The following ITGBL1 variants were observed in gnomAD, a reference collection of about 807,000 sequenced individuals.
ITGBL1 encodes the protein integrin beta-like protein 1.
In ITGBL1, 51 loss-of-function variants were observed where a neutral mutation model predicts 68.5. That is an observed-to-expected ratio of 0.74 (90% CI 0.59 to 0.94). The LOEUF is 0.94. Ranked by LOEUF, ITGBL1 falls within the 40% of genes least tolerant of loss-of-function variation. The pLI is 0.00. For synonymous variants in ITGBL1, 209 were observed against 227.3 expected, an observed-to-expected ratio of 0.92 and a Z score of 0.72; for missense variants, 649 against 647.4, an observed-to-expected ratio of 1.00 and a Z score of -0.03.
chr13:101,666,328 G>C (rs1229653307), intron 7 of ITGBL1, among the ~76,000 whole-genome samples: 4 of 152,092 alleles, frequency 2.6e-5, no homozygotes, highest in Non-Finnish European at 5.9e-5. Context: ...CCTCCTTTTA[G>C]TGAGTTCTTT....
intron 2 of ITGBL1, among the ~76,000 whole-genome samples, chr13:101,518,391 C>T (rs1422133221): frequency 6.6e-6 from 1 of 152,108 alleles, no homozygotes; most frequent in Non-Finnish European, 1.5e-5. Flanking sequence ...AAATCTAATT[C>T]ATCTCTGTTT....
chr13:101,709,152 T>C (rs910534003), intron 9 of ITGBL1, among the ~76,000 whole-genome samples: 1 of 149,506 alleles, frequency 6.7e-6, no homozygotes, highest in Admixed American at 6.6e-5. Flanking sequence ...GATCATGAGG[T>C]CAGGAGATCG....
intron 5 of ITGBL1, among the ~76,000 whole-genome samples, chr13:101,580,926 G>A (rs2050446833): frequency 6.6e-6 from 1 of 152,216 alleles, no homozygotes; most frequent in Non-Finnish European, 1.5e-5. Context: ...GGCAGAATGG[G>A]AAGCAGCTTG....
At chr13:101,637,706 T>C (rs758270763) in intron 7 of ITGBL1, among the ~76,000 whole-genome samples, 53 of 152,170 alleles carry the variant, frequency 3.5e-4, no homozygotes, top group Non-Finnish European at 6.9e-4. Context: ...ACAGAAATAC[T>C]ACCATCACTC....
chr13:101,594,309 A>G (rs1005210095), intron 6 of ITGBL1, among the ~76,000 whole-genome samples: 1 of 152,186 alleles, frequency 6.6e-6, no homozygotes, highest in Non-Finnish European at 1.5e-5. Context: ...TTAAACAAAG[A>G]TGACAAGAAC....
intron 7 of ITGBL1, among the ~76,000 whole-genome samples, chr13:101,654,963 A>G (rs930109825): frequency 5.9e-5 from 9 of 152,212 alleles, no homozygotes; most frequent in African/African-American, 1.9e-4. Flanking sequence ...GTATGGGTAT[A>G]GATGACCTTG....
intron 2 of ITGBL1, among the ~76,000 whole-genome samples, chr13:101,542,288 T>C (rs1001682046): frequency 2.5e-4 from 38 of 152,222 alleles, no homozygotes; most frequent in Admixed American, 1.2e-3. Context: ...AGAACATCTT[T>C]ATTTCTGCCT....
intron 2 of ITGBL1, chr13:101,490,067 A>C (rs971573992): frequency 3.1e-6 from 3 of 971,978 alleles, no homozygotes; most frequent in East Asian, 2.6e-5. Flanking sequence ...TTTACCCCCA[A>C]AATTCTGTGT....
intron 2 of ITGBL1, among the ~76,000 whole-genome samples, chr13:101,480,854 T>C (rs2048608627): frequency 6.6e-6 from 1 of 151,904 alleles, no homozygotes; most frequent in South Asian, 2.1e-4. Flanking sequence ...AAGAATTGCA[T>C]TGTAGTCAAA....
chr13:101,477,959 G>A (rs1257165302), intron 2 of ITGBL1, among the ~76,000 whole-genome samples: 1 of 151,948 alleles, frequency 6.6e-6, no homozygotes, highest in African/African-American at 2.4e-5. Flanking sequence ...AATGGAGGAG[G>A]AGGGAATACT....
chr13:101,471,558 GTGTGTGTGTGTATA>G, intron 2 of ITGBL1, among the ~76,000 whole-genome samples: 1 of 130,790 alleles, frequency 7.6e-6, no homozygotes, highest in East Asian at 3.4e-4. Context: ...GTGTGTGTGT[GTGTGTGTGTGTATA>G]TATATTTCTC....
chr13:101,583,016 G>A (rs537365694), intron 5 of ITGBL1, among the ~76,000 whole-genome samples, 200 bp from the exon 6 acceptor site: 144 of 152,132 alleles, frequency 9.5e-4, no homozygotes, highest in African/African-American at 3.2e-3. Flanking sequence ...CATAATTATA[G>A]AATAGATAAT....
At chr13:101,646,662 A>G (rs559912481) in intron 7 of ITGBL1, among the ~76,000 whole-genome samples, 145 of 152,276 alleles carry the variant, frequency 9.5e-4, no homozygotes, top group African/African-American at 2.9e-3. Flanking sequence ...ATATATATGT[A>G]TTAATACAAT....
intron 7 of ITGBL1, among the ~76,000 whole-genome samples, chr13:101,660,085 C>G (rs994104194): frequency 5.3e-5 from 8 of 152,110 alleles, no homozygotes; most frequent in Non-Finnish European, 1.2e-4. Flanking sequence ...ACTGTAACCA[C>G]CAGACAGGTT....
intron 6 of ITGBL1, among the ~76,000 whole-genome samples, chr13:101,590,613 G>T (rs1352223970): frequency 6.6e-6 from 1 of 152,110 alleles, no homozygotes; most frequent in Non-Finnish European, 1.5e-5. Flanking sequence ...TTGTTAAAGT[G>T]TCAACAAGCA....
chr13:101,651,951 C>T (rs963021190), intron 7 of ITGBL1, among the ~76,000 whole-genome samples: 7 of 152,146 alleles, frequency 4.6e-5, no homozygotes, highest in Admixed American at 6.5e-5. Flanking sequence ...TGCTTGTTTT[C>T]GTCAGGTTTG....
intron 7 of ITGBL1, among the ~76,000 whole-genome samples, chr13:101,620,156 T>C (rs2031527790): frequency 6.6e-6 from 1 of 152,194 alleles, no homozygotes. Flanking sequence ...TATTTTTACA[T>C]TGTAATTCTA....
chr13:101,527,324 T>C (rs1460469524), intron 2 of ITGBL1, among the ~76,000 whole-genome samples: 1 of 152,152 alleles, frequency 6.6e-6, no homozygotes, highest in South Asian at 2.1e-4. Context: ...TTGCATTTCC[T>C]ATAATGTAAT....
intron 2 of ITGBL1, among the ~76,000 whole-genome samples, chr13:101,472,495 T>C (rs539203970): frequency 5.8e-4 from 88 of 152,348 alleles, no homozygotes; most frequent in African/African-American, 2.1e-3. Flanking sequence ...TTTTAGAATT[T>C]CTTGAGAACT....
Sources: allele counts gnomAD v4.1 joint callset (sites outside exome capture counted in the v4.1 genomes callset), GRCh38; gene constraint gnomAD v4.1.1; transcripts MANE v1.5; gene names NCBI Gene and HGNC (gene_info 2026-07-23, HGNC 2026-07-21).